The following GALNT2 variants were observed in gnomAD, a reference collection of about 807,000 sequenced individuals.
GALNT2 encodes the protein polypeptide N-acetylgalactosaminyltransferase 2, also known as UDP-GalNAc:polypeptide N-acetylgalactosaminyltransferase 2.
A neutral mutation model predicts 81.4 loss-of-function variants in GALNT2; 31 were observed. That is an observed-to-expected ratio of 0.38 (90% CI 0.29 to 0.51). GALNT2 has a LOEUF of 0.51. GALNT2 is among the 20% of genes least tolerant of loss of function. The pLI is 0.87. For missense variants in GALNT2, 629 were observed against 765.7 expected, an observed-to-expected ratio of 0.82 and a Z score of 2.11; for synonymous variants, 303 against 287.4, an observed-to-expected ratio of 1.05 and a Z score of -0.55.
intron 1 of GALNT2, among the ~76,000 whole-genome samples, chr1:230,115,020 T>TTTTC: frequency 6.6e-6 from 1 of 150,842 alleles, no homozygotes; most frequent in Admixed American, 6.6e-5. Context: ...TTTTTTTTTT[T>TTTTC]TTTAAGATGG....
At chr1:230,256,650 C>T (rs570988818) in intron 11 of GALNT2, among the ~76,000 whole-genome samples, 8 of 152,284 alleles carry the variant, frequency 5.3e-5, no homozygotes, top group South Asian at 4.1e-4. Flanking sequence ...AAGATGCCAA[C>T]GGAAGGGCTT....
chr1:230,153,346 G>T (rs546588561), intron 1 of GALNT2, among the ~76,000 whole-genome samples: 1 of 152,314 alleles, frequency 6.6e-6, no homozygotes, highest in East Asian at 1.9e-4. Flanking sequence ...CTTACATGCG[G>T]GAGTGTTTCT....
chr1:230,214,019 C>A (rs151032508), intron 3 of GALNT2, among the ~76,000 whole-genome samples: 18 of 152,266 alleles, frequency 1.2e-4, no homozygotes, highest in African/African-American at 4.1e-4. Flanking sequence ...CTACCTAAGA[C>A]CATATTCCTT....
At chr1:230,265,674 C>T (rs1666015323) in intron 14 of GALNT2, among the ~76,000 whole-genome samples, 1 of 152,206 alleles carries the variant, frequency 6.6e-6, no homozygotes, top group African/African-American at 2.4e-5. Flanking sequence ...GTCCTCTCGG[C>T]CATGTGCACT....
rs138532778 is a variant in GALNT2 at position 230,126,353 on chromosome 1, C to G, written c.127-51865C>G. On this transcript the variant is annotated intron_variant, in intron 1 of 15. Coordinates refer to ENST00000366672, the MANE Select transcript of GALNT2 (RefSeq NM_004481.5). ...GATGAGTATAGCTGAGAGAGGGCAG[C>G]CATGCACTTTTTGGGGCCCGCTGGG... 2.7e-3 allele frequency among the ~76,000 whole-genome samples: 409 copies of G among 152,258 alleles called. 2 individuals carry two copies. The highest frequency in any genetic ancestry group is 9.6e-3 in the African/African-American group (400 of 41,548).
At chr1:230,198,970 T>C (rs981300873) in intron 2 of GALNT2, among the ~76,000 whole-genome samples, 3 of 152,252 alleles carry the variant, frequency 2.0e-5, no homozygotes, top group African/African-American at 7.2e-5. Flanking sequence ...TCTTTGGTGA[T>C]GAAGCTAGTT....
chr1:230,075,518 C>G (rs1659517660), intron 1 of GALNT2, among the ~76,000 whole-genome samples: 1 of 152,232 alleles, frequency 6.6e-6, no homozygotes, highest in Non-Finnish European at 1.5e-5. Flanking sequence ...AGCTGCCCCT[C>G]CGGAAGGAGC....
chr1:230,270,864 G>C (rs946309502), intron 14 of GALNT2, among the ~76,000 whole-genome samples: 1 of 152,212 alleles, frequency 6.6e-6, no homozygotes, highest in African/African-American at 2.4e-5. Flanking sequence ...TACAAATTCA[G>C]ATAATTGAAA....
Position 230,178,279 on chromosome 1 carries a change from A to G in GALNT2, c.188A>G (p.Glu63Gly). 1 of 1,614,132 alleles carries G rather than the reference A, an allele frequency of 6.2e-7. No individual in the cohort carries two copies. The highest frequency in any genetic ancestry group is 1.7e-5 in the Admixed American group (1 of 60,024). Residue 63 changes from glutamate to glycine, a missense_variant, in exon 2 of 16, where the codon GAG becomes GGG. Transcript: ENST00000366672. ...GACCTTCATCACAGCAATGGAGAAG[A>G]GAAAGCACAAAGCATGGAGACCCTC... is the stretch of plus-strand genomic sequence containing the variant. ...KKDLHHSNGEEKAQSMETLPP... is the reference protein window; with the variant it reads ...KKDLHHSNGEGKAQSMETLPP...
At chr1:230,161,965 A>G (rs1662449998) in intron 1 of GALNT2, among the ~76,000 whole-genome samples, 1 of 152,110 alleles carries the variant, frequency 6.6e-6, no homozygotes, top group Admixed American at 6.6e-5. Flanking sequence ...GTTTTAAGCT[A>G]CCCAATCCTT....
chr1:230,112,611 G>C (rs377354683), intron 1 of GALNT2, among the ~76,000 whole-genome samples: 1 of 152,172 alleles, frequency 6.6e-6, no homozygotes, highest in Non-Finnish European at 1.5e-5. Context: ...GCTGTGATTC[G>C]TTCTTTTCCA....
chr1:230,106,359 GCCT>G (rs999357449), intron 1 of GALNT2, among the ~76,000 whole-genome samples: 1 of 152,190 alleles, frequency 6.6e-6, no homozygotes, highest in African/African-American at 2.4e-5. Flanking sequence ...CAGGAGCCAT[GCCT>G]CCTCCTGGCC....
chr1:230,148,110 C>T (rs1661978736), intron 1 of GALNT2, among the ~76,000 whole-genome samples: 1 of 152,132 alleles, frequency 6.6e-6, no homozygotes, highest in Admixed American at 6.5e-5. Flanking sequence ...CCCACTTGCC[C>T]ACACTCTTCC....
At position 230,138,903 on chromosome 1, in the gene GALNT2, G is replaced by A. The variant is rs534031471; in HGVS notation, c.127-39315G>A. Among the ~76,000 whole-genome samples the A allele has an allele frequency of 1.2e-4, 19 of 152,234 alleles. No individual in the cohort carries two copies. The South Asian group carries it at 3.7e-3, about 30-fold the overall frequency. ...CAGCTTCTTCACTGCATCCTGTTTT[G>A]TTTATCAGTGGGTTCTTTATGACCT... On this transcript the variant is annotated intron_variant, in intron 1 of 15. Transcript: ENST00000366672.
At chr1:230,162,261 G>A (rs889912052) in intron 1 of GALNT2, among the ~76,000 whole-genome samples, 2 of 152,162 alleles carry the variant, frequency 1.3e-5, no homozygotes, top group Non-Finnish European at 2.9e-5. Context: ...TCTTCAGGGT[G>A]TTAGGATGAA....
chr1:230,089,824 A>G (rs1458047330), intron 1 of GALNT2, among the ~76,000 whole-genome samples: 1 of 152,220 alleles, frequency 6.6e-6, no homozygotes, highest in East Asian at 1.9e-4. Context: ...TAACACGTGC[A>G]ACACATTTGC....
intron 3 of GALNT2, among the ~76,000 whole-genome samples, chr1:230,215,748 TG>T (rs1558144494): frequency 6.6e-6 from 1 of 152,266 alleles, no homozygotes; most frequent in Non-Finnish European, 1.5e-5. Flanking sequence ...GTTTCTTATC[TG>T]TAAAACAATA....
chr1:230,110,755 T>C lies in GALNT2; in HGVS notation c.126+43349T>C, dbSNP rs569200801. The stretch of plus-strand genomic sequence containing the variant: ...TCTTCAATAGATTTTTCTAGGGTCT[T>C]TTCTGGTAAAAAGAGACTGGGAATG... On this transcript the variant is annotated intron_variant, in intron 1 of 15. Transcript: ENST00000366672. 7.5e-5 allele frequency among the ~76,000 whole-genome samples: 11 copies of C among 147,032 alleles called. No homozygotes were observed. The South Asian group carries it at 2.2e-3, about 29-fold the overall frequency.
chr1:230,211,767 T>C (rs1434940175), intron 3 of GALNT2, among the ~76,000 whole-genome samples: 1 of 152,126 alleles, frequency 6.6e-6, no homozygotes, highest in African/African-American at 2.4e-5. Context: ...AGTGAGACTC[T>C]ATCTCTAAAA....
Sources: gnomAD v4.1 joint callset for allele counts (sites outside exome capture counted in the v4.1 genomes callset) on GRCh38, gnomAD v4.1.1 for gene constraint, MANE v1.5 for transcripts, NCBI Gene and HGNC (gene_info 2026-07-23, HGNC 2026-07-21) for gene names.